Variants in CATSPERT observed in about 807,000 individuals in gnomAD.
CATSPERT encodes cation channel sperm-associated targeting subunit tau.
chr2:201,487,957 T>A, the CATSPERT span: 12 of 1,435,428 alleles, frequency 8.4e-6, no homozygotes, highest in Non-Finnish European at 1.1e-5. Context: ...AAAAGTAGGT[T>A]TTAAATTTAC....
At chr2:201,521,975 A>G in the CATSPERT span, among the ~76,000 whole-genome samples, 5 of 152,206 alleles carry the variant, frequency 3.3e-5, no homozygotes, top group Non-Finnish European at 7.3e-5. Context: ...GTATAAAAGG[A>G]AAGTACCTCA....
the CATSPERT span, chr2:201,492,965 TTCTG>T: frequency 6.5e-7 from 1 of 1,536,474 alleles, no homozygotes; most frequent in African/African-American, 1.4e-5. Flanking sequence ...AAAATAGGTT[TTCTG>T]TCTAATTTGT....
the CATSPERT span, chr2:201,487,628 A>AT: frequency 1.3e-4 from 204 of 1,609,044 alleles, 1 homozygote; most frequent in African/African-American, 2.5e-3. Context: ...TCCTCTTTTA[A>AT]TTTTTTTTGG....
At chr2:201,503,179 T>C in the CATSPERT span, among the ~76,000 whole-genome samples, 1 of 152,200 alleles carries the variant, frequency 6.6e-6, no homozygotes, top group African/African-American at 2.4e-5. Context: ...AGGATCTTTT[T>C]CTATTATTTG....
At chr2:201,577,406 A>G in the CATSPERT span, among the ~76,000 whole-genome samples, 1 of 152,202 alleles carries the variant, frequency 6.6e-6, no homozygotes, top group Non-Finnish European at 1.5e-5. Context: ...TCGAGTATAC[A>G]TTTAAAGGGA....
chr2:201,572,456 A>T, the CATSPERT span, among the ~76,000 whole-genome samples: 1 of 152,228 alleles, frequency 6.6e-6, no homozygotes. Context: ...CATAAAATCA[A>T]GTTTTTATTT....
At chr2:201,561,893 GA>G in the CATSPERT span, among the ~76,000 whole-genome samples, 11,763 of 141,382 alleles carry the variant, frequency 0.083, 516 homozygotes, top group African/African-American at 0.1. Context: ...GAAAGAAAAG[GA>G]AAAAAAAAAA....
the CATSPERT span, among the ~76,000 whole-genome samples, chr2:201,586,830 T>C: frequency 6.6e-6 from 1 of 152,182 alleles, no homozygotes; most frequent in East Asian, 1.9e-4. Context: ...ATCTATACTG[T>C]TGTAAATACC....
chr2:201,522,109 C>T, the CATSPERT span, among the ~76,000 whole-genome samples: 1 of 152,092 alleles, frequency 6.6e-6, no homozygotes, highest in East Asian at 1.9e-4. Flanking sequence ...CAAGACACCA[C>T]CACCCACTCT....
the CATSPERT span, among the ~76,000 whole-genome samples, chr2:201,497,915 G>A: frequency 2.6e-5 from 4 of 152,156 alleles, no homozygotes; most frequent in Admixed American, 6.5e-5. Context: ...AATCAGTAAG[G>A]TGAGCTACCA....
At chr2:201,544,891 G>A in the CATSPERT span, among the ~76,000 whole-genome samples, 1 of 151,582 alleles carries the variant, frequency 6.6e-6, no homozygotes, top group Non-Finnish European at 1.5e-5. Flanking sequence ...CAGCTACTTG[G>A]GAGGCTAAGG....
chr2:201,550,693 A>T, the CATSPERT span: 1 of 152,208 alleles, frequency 6.6e-6, no homozygotes, highest in African/African-American at 2.4e-5. Flanking sequence ...AACATTCCAT[A>T]ATATAAAACA....
the CATSPERT span, among the ~76,000 whole-genome samples, chr2:201,560,658 CAGA>C: frequency 6.6e-6 from 1 of 151,992 alleles, no homozygotes; most frequent in East Asian, 1.9e-4. Flanking sequence ...ATGAGAGTTC[CAGA>C]AGAAGAGAAG....
chr2:201,578,211 AT>A, the CATSPERT span, among the ~76,000 whole-genome samples: 1 of 152,070 alleles, frequency 6.6e-6, no homozygotes, highest in East Asian at 1.9e-4. Context: ...TTGGATAATC[AT>A]TTTTTCTTGA....
At chr2:201,616,783 T>C in the CATSPERT span, among the ~76,000 whole-genome samples, 1 of 152,210 alleles carries the variant, frequency 6.6e-6, no homozygotes, top group African/African-American at 2.4e-5. Context: ...TGTTTGCAGA[T>C]GACATGTTTG....
the CATSPERT span, chr2:201,492,162 T>C: frequency 4.6e-6 from 7 of 1,525,420 alleles, no homozygotes; most frequent in Non-Finnish European, 6.1e-6. Context: ...GTAAAGTGGT[T>C]TGTTGAACAA....
the CATSPERT span, chr2:201,603,100 T>G: frequency 1.3e-6 from 1 of 761,138 alleles, no homozygotes; most frequent in East Asian, 2.7e-5. Flanking sequence ...TGAACAGTAG[T>G]GATTGATGAT....
At chr2:201,508,104 A>G in the CATSPERT span, among the ~76,000 whole-genome samples, 3 of 152,254 alleles carry the variant, frequency 2.0e-5, no homozygotes, top group Non-Finnish European at 4.4e-5. Flanking sequence ...AGCAGCAGGA[A>G]AAGATGAGCT....
chr2:201,616,468 C>T, the CATSPERT span, among the ~76,000 whole-genome samples: 1 of 152,216 alleles, frequency 6.6e-6, no homozygotes, highest in Non-Finnish European at 1.5e-5. Context: ...ACATGATTAT[C>T]TCAATAGATG....
Sources: gnomAD v4.1 joint callset for allele counts (sites outside exome capture counted in the v4.1 genomes callset) on GRCh38, gnomAD v4.1.1 for gene constraint, MANE v1.5 for transcripts, NCBI Gene and HGNC (gene_info 2026-07-23, HGNC 2026-07-21) for gene names.